The following DCAF1 variants were observed in gnomAD, a reference collection of about 807,000 sequenced individuals.
DCAF1 encodes DDB1 and CUL4 associated factor 1.
DCAF1 carries 15 observed loss-of-function variants against 128.0 expected under a neutral mutation model. That is an observed-to-expected ratio of 0.12 (90% CI 0.08 to 0.18). The LOEUF is 0.18. Among genes scored for constraint, DCAF1 ranks in the 10% least tolerant of loss-of-function variants. The pLI is 1.00. For synonymous variants in DCAF1, 610 were observed against 603.0 expected, an observed-to-expected ratio of 1.01 and a Z score of -0.17; for missense variants, 988 against 1,649.5, an observed-to-expected ratio of 0.60 and a Z score of 6.95.
At chr3:51,431,225 A>C (rs1700340074) in intron 10 of DCAF1, among the ~76,000 whole-genome samples, 1 of 152,152 alleles carries the variant, frequency 6.6e-6, no homozygotes, top group Non-Finnish European at 1.5e-5. Flanking sequence ...ACACTTTTTA[A>C]AAAATCACAA....
intron 17 of DCAF1, 145 bp from the exon 18 acceptor site, chr3:51,417,016 C>T: frequency 7.7e-7 from 1 of 1,305,260 alleles, no homozygotes; most frequent in South Asian, 1.4e-5. Flanking sequence ...CAATCATACA[C>T]TTAGATTACA....
At chr3:51,483,507 C>G (rs1403723401) in intron 3 of DCAF1, among the ~76,000 whole-genome samples, 1 of 150,998 alleles carries the variant, frequency 6.6e-6, no homozygotes, top group Admixed American at 6.7e-5. Flanking sequence ...GAGATAAAGA[C>G]TAAATCTGAG....
intron 3 of DCAF1, among the ~76,000 whole-genome samples, chr3:51,478,546 G>GC (rs1366348922): frequency 6.6e-6 from 1 of 151,246 alleles, no homozygotes; most frequent in East Asian, 2.0e-4. Flanking sequence ...TCCTTTCACA[G>GC]CCACATCAAT....
intron 20 of DCAF1, 120 bp downstream of exon 20, chr3:51,413,830 T>C (rs1698645139): frequency 8.1e-7 from 1 of 1,231,896 alleles, no homozygotes; most frequent in Non-Finnish European, 1.0e-6. Context: ...TTATCTTTTA[T>C]GTTACAACTC....
intron 9 of DCAF1, among the ~76,000 whole-genome samples, chr3:51,433,910 G>A (rs947569344): frequency 3.1e-4 from 47 of 150,670 alleles, no homozygotes; most frequent in Non-Finnish European, 6.7e-4. Context: ...GCGAAATCCC[G>A]TCTCTACTAA....
intron 21 of DCAF1, 59 bp from the exon 22 acceptor site, chr3:51,413,125 C>T: frequency 6.2e-7 from 1 of 1,603,258 alleles, no homozygotes; most frequent in Non-Finnish European, 8.5e-7. Context: ...CTAAAACCTG[C>T]TTTTCCTCTA....
intron 9 of DCAF1, chr3:51,438,116 G>C (rs782702976): frequency 2.3e-6 from 1 of 426,492 alleles, no homozygotes; most frequent in Non-Finnish European, 4.5e-6. Flanking sequence ...CTGAAAGTTT[G>C]GTGTGGTTAT....
chr3:51,504,326 G>A (rs1320329483), upstream of DCAF1, among the ~76,000 whole-genome samples: 5 of 151,382 alleles, frequency 3.3e-5, no homozygotes, highest in Non-Finnish European at 7.4e-5. Context: ...GTGAGCCACC[G>A]CGCCTGGCAA....
rs533196996 is a variant in DCAF1 at position 51,499,029 on chromosome 3, T to A, written c.-56+844A>T. Among the ~76,000 whole-genome samples, 6 of 152,248 alleles carry A rather than the reference T, an allele frequency of 3.9e-5. No homozygotes were observed. The South Asian group carries it at 1.2e-3, about 32-fold the overall frequency. ...AGGAAAAACCAAGACCAACATGACATGGCCAAGGACGAGTCATTTGTGACT... is the reference window on the plus strand; with the variant it reads ...AGGAAAAACCAAGACCAACATGACAAGGCCAAGGACGAGTCATTTGTGACT... On this transcript the variant is annotated intron_variant, in intron 1 of 24. Transcript: ENST00000684031.
chr3:51,488,786 G>A (rs1707276840), intron 2 of DCAF1, among the ~76,000 whole-genome samples: 1 of 151,864 alleles, frequency 6.6e-6, no homozygotes, highest in Non-Finnish European at 1.5e-5. Flanking sequence ...CTAGGTGACA[G>A]AGCAAAACTC....
chr3:51,419,597 G>A, intron 15 of DCAF1, 137 bp downstream of exon 15: 1 of 1,415,654 alleles, frequency 7.1e-7, no homozygotes, highest in Non-Finnish European at 9.3e-7. Flanking sequence ...ACAAAAGGTG[G>A]TACAATTACA....
At chr3:51,401,430 A>C (rs960335859) in intron 24 of DCAF1, among the ~76,000 whole-genome samples, 8 of 152,202 alleles carry the variant, frequency 5.3e-5, no homozygotes, top group East Asian at 1.9e-4. Context: ...AAACACAGAA[A>C]GAGCCATGGA....
At chr3:51,403,704 T>C (rs1191344316) in intron 23 of DCAF1, among the ~76,000 whole-genome samples, 1 of 152,262 alleles carries the variant, frequency 6.6e-6, no homozygotes, top group East Asian at 1.9e-4. Flanking sequence ...AAGGGGACTC[T>C]TCTTTCTCAC....
intron 2 of DCAF1, among the ~76,000 whole-genome samples, chr3:51,484,410 T>C (rs781865556): frequency 4.6e-5 from 7 of 150,746 alleles, no homozygotes; most frequent in East Asian, 4.0e-4. Flanking sequence ...GAGGTAGAGG[T>C]TGCAGTGAGC....
intron 23 of DCAF1, among the ~76,000 whole-genome samples, chr3:51,406,232 A>G (rs1443197431): frequency 1.3e-5 from 2 of 149,830 alleles, no homozygotes; most frequent in South Asian, 4.2e-4. Flanking sequence ...AGTCCCAGCT[A>G]CTCTGGAGGC....
intron 6 of DCAF1, among the ~76,000 whole-genome samples, chr3:51,457,916 C>G (rs1370859262): frequency 6.6e-6 from 1 of 152,082 alleles, no homozygotes; most frequent in African/African-American, 2.4e-5. Context: ...GAAGGAAGCA[C>G]TAAACATGGA....
Position 51,420,282 on chromosome 3 carries a change from A to G in DCAF1, c.2688T>C (p.Pro896=), listed in dbSNP as rs376871452. 5 of 1,613,926 alleles carry G rather than the reference A, an allele frequency of 3.1e-6. No homozygotes were observed. In the African/African-American group the frequency reaches 5.3e-5, roughly 17 times the overall value. Residue 896 remains proline (P), a synonymous_variant, in exon 15 of 25, where the codon CCT becomes CCC. Transcript: ENST00000684031. The surrounding 1 kb of genome is among the most constrained non-coding windows in gnomAD (Gnocchi z 6.5). ...TACGAGGGGTTCGGGGTAGAGAGAC[A>G]GGAGAAGCAGCAGCAGTGACTGGGG... ...AFTPVTAAAS[P]VSLPRTPRIA... is the part of the protein sequence containing the mutation.
chr3:51,497,980 G>A (rs1304753394), intron 1 of DCAF1, among the ~76,000 whole-genome samples: 1 of 147,424 alleles, frequency 6.8e-6, no homozygotes, highest in Non-Finnish European at 1.5e-5. Flanking sequence ...AACCTGGGAG[G>A]CGGAGCTTGC....
chr3:51,494,623 C>T (rs1343373856), intron 2 of DCAF1, among the ~76,000 whole-genome samples: 2 of 151,940 alleles, frequency 1.3e-5, no homozygotes, highest in Non-Finnish European at 2.9e-5. Context: ...AGTTAGCCTA[C>T]TAGAGCACAT....
Sources: gnomAD v4.1 joint callset for allele counts (sites outside exome capture counted in the v4.1 genomes callset) on GRCh38, gnomAD v4.1.1 for gene constraint, Gnocchi (gnomAD v3.1) non-coding constraint, MANE v1.5 for transcripts, NCBI Gene and HGNC (gene_info 2026-07-23, HGNC 2026-07-21) for gene names.